The following VPS45 variants were observed in gnomAD, a reference collection of about 807,000 sequenced individuals.
VPS45 encodes the protein vacuolar protein sorting 45 homolog.
VPS45 carries 35 observed loss-of-function variants against 75.9 expected under a neutral mutation model. The observed-to-expected ratio is 0.46, with a 90% CI of 0.35 to 0.61. VPS45 has a LOEUF of 0.61. Among genes scored for constraint, VPS45 ranks in the 20% least tolerant of loss-of-function variants. The probability of loss-of-function intolerance (pLI) is 0.00; values close to 1 mark genes in which losing one functional copy is unlikely to be tolerated. For synonymous variants in VPS45, 220 were observed against 238.2 expected (o/e 0.92, Z 0.70); for missense variants, 559 against 685.9 (o/e 0.81, Z 2.07).
chr1:150,106,651 C>G (rs1167436398), intron 13 of VPS45, among the ~76,000 whole-genome samples: 5 of 151,756 alleles, frequency 3.3e-5, no homozygotes, highest in African/African-American at 1.2e-4. Flanking sequence ...CTGGCTCCCC[C>G]CATCACCCCA....
intron 10 of VPS45, among the ~76,000 whole-genome samples, chr1:150,087,668 G>C (rs1656085949): frequency 6.6e-6 from 1 of 152,282 alleles, no homozygotes; most frequent in South Asian, 2.1e-4. Flanking sequence ...AGACAAAAAG[G>C]TCCTGCGTCT....
chr1:150,105,438 C>A (rs1657269098), intron 13 of VPS45, among the ~76,000 whole-genome samples: 1 of 152,150 alleles, frequency 6.6e-6, no homozygotes, highest in African/African-American at 2.4e-5. Context: ...GATACAAAAT[C>A]AACATACAAA....
chr1:150,124,918 A>G (rs1255066025), intron 14 of VPS45, among the ~76,000 whole-genome samples: 1 of 151,782 alleles, frequency 6.6e-6, no homozygotes, highest in Non-Finnish European at 1.5e-5. Context: ...TGTTTTTAAC[A>G]TAAGATCTAT....
At chr1:150,067,750 C>A (rs1654800715), upstream of VPS45, 1 of 1,144,288 alleles carries the variant, frequency 8.7e-7, no homozygotes, top group Non-Finnish European at 1.3e-6. Flanking sequence ...TCCCGGAAGC[C>A]GAATCCCGGC....
At chr1:150,087,688 G>T (rs782510523) in intron 10 of VPS45, among the ~76,000 whole-genome samples, 30 of 152,166 alleles carry the variant, frequency 2.0e-4, no homozygotes, top group Non-Finnish European at 2.9e-4. Flanking sequence ...TCCAAGGACT[G>T]ATACAGCTGA....
chr1:150,123,145 T>C (rs35540802), intron 14 of VPS45, among the ~76,000 whole-genome samples: 1 of 152,202 alleles, frequency 6.6e-6, no homozygotes, highest in Non-Finnish European at 1.5e-5. Context: ...ACTGGCTTCT[T>C]TCACTTAGCA....
At chr1:150,106,814 G>A (rs1657352150) in intron 13 of VPS45, among the ~76,000 whole-genome samples, 1 of 152,136 alleles carries the variant, frequency 6.6e-6, no homozygotes, top group Non-Finnish European at 1.5e-5. Flanking sequence ...GGATAAAGAA[G>A]CCCACAGTCA....
intron 10 of VPS45, among the ~76,000 whole-genome samples, chr1:150,089,063 TCAA>T (rs1455275571): frequency 1.3e-5 from 2 of 152,206 alleles, no homozygotes; most frequent in Admixed American, 6.5e-5. Flanking sequence ...CACGTCATCA[TCAA>T]CAACACTTAC....
intron 14 of VPS45, among the ~76,000 whole-genome samples, chr1:150,130,169 T>C (rs905882589): frequency 1.0e-4 from 15 of 149,012 alleles, no homozygotes; most frequent in South Asian, 8.5e-4. Context: ...CCAGCACACA[T>C]ATATATCTAT....
intron 14 of VPS45, among the ~76,000 whole-genome samples, chr1:150,123,794 A>T (rs782353254): frequency 3.9e-5 from 6 of 152,184 alleles, no homozygotes; most frequent in Non-Finnish European, 7.3e-5. Context: ...AAGTAGAGGG[A>T]AAAAGGGTGG....
intron 14 of VPS45, among the ~76,000 whole-genome samples, chr1:150,137,047 T>TTA (rs1659146252): frequency 6.6e-6 from 1 of 152,124 alleles, no homozygotes; most frequent in African/African-American, 2.4e-5. Context: ...CACAGGTGCA[T>TTA]GCTACCACAC....
chr1:150,108,459 G>A (rs977411298), intron 13 of VPS45, among the ~76,000 whole-genome samples: 3 of 152,272 alleles, frequency 2.0e-5, no homozygotes, highest in South Asian at 2.1e-4. Flanking sequence ...GTGACAAGTG[G>A]TCACTATACT....
chr1:150,112,743 C>T (rs2101613309), intron 14 of VPS45, among the ~76,000 whole-genome samples: 1 of 152,278 alleles, frequency 6.6e-6, no homozygotes, highest in Non-Finnish European at 1.5e-5. Flanking sequence ...CCAGACCACC[C>T]GTATTTCGGG....
At chr1:150,100,299 G>T (rs979009546) in intron 13 of VPS45, among the ~76,000 whole-genome samples, 1 of 152,144 alleles carries the variant, frequency 6.6e-6, no homozygotes, top group Admixed American at 6.5e-5. Flanking sequence ...GCTCTACAGT[G>T]AGAATTACAA....
At chr1:150,096,269 G>A (rs1553802983) in intron 13 of VPS45, among the ~76,000 whole-genome samples, 2 of 152,172 alleles carry the variant, frequency 1.3e-5, no homozygotes, top group East Asian at 1.9e-4. Flanking sequence ...TTGGGGAAAT[G>A]GAAACAAGAG....
chr1:150,132,127 TATA>T (rs1392072352), intron 14 of VPS45, among the ~76,000 whole-genome samples: 1 of 152,182 alleles, frequency 6.6e-6, no homozygotes, highest in Non-Finnish European at 1.5e-5. Flanking sequence ...GTCAATGCCA[TATA>T]ATAATCATTT....
At chr1:150,103,745 A>G (rs587722633) in intron 13 of VPS45, among the ~76,000 whole-genome samples, 2 of 152,304 alleles carry the variant, frequency 1.3e-5, no homozygotes, top group East Asian at 3.9e-4. Context: ...TGATGGTCAG[A>G]GGATAGCTAT....
At chr1:150,120,884 T>G (rs1658197155) in intron 14 of VPS45, among the ~76,000 whole-genome samples, 1 of 132,956 alleles carries the variant, frequency 7.5e-6, no homozygotes, top group Non-Finnish European at 1.6e-5. Context: ...TTTTTTTTTT[T>G]TGAGTCAGAG....
rs782301145 is a variant in VPS45 at position 150,081,356 on chromosome 1, C to G, written c.702C>G (p.Ala234=). ...TPLLNQWTYQ[A]MVHELLGINN... Reference sequence around the variant, plus strand: ...TCTTTATTTAGTGGACATATCAGGCCATGGTCCACGAACTACTAGGCATAA... The same window carrying G: ...TCTTTATTTAGTGGACATATCAGGCGATGGTCCACGAACTACTAGGCATAA... Residue 234 remains alanine (A), a synonymous_variant, in exon 8 of 15, where the codon GCC becomes GCG. Coordinates refer to ENST00000644510, the MANE Select transcript of VPS45 (RefSeq NM_007259.5). 138 of 1,603,124 alleles carry G rather than the reference C, an allele frequency of 8.6e-5. No homozygotes were observed. Among genetic ancestry groups the G allele is most frequent in the Non-Finnish European group, 1.2e-4 (138 of 1,176,526 alleles).
Sources: allele counts gnomAD v4.1 joint callset (sites outside exome capture counted in the v4.1 genomes callset), GRCh38; gene constraint gnomAD v4.1.1; transcripts MANE v1.5; gene names NCBI Gene and HGNC (gene_info 2026-07-23, HGNC 2026-07-21).